EIF2B4: variants seen among roughly 807,000 people sequenced by gnomAD.
EIF2B4 encodes the protein eukaryotic translation initiation factor 2B subunit delta.
EIF2B4 carries 34 observed loss-of-function variants against 66.7 expected under a neutral mutation model. The observed-to-expected ratio is 0.51, with a 90% CI of 0.39 to 0.68. The LOEUF (loss-of-function observed/expected upper bound fraction) is 0.68, where lower values mean the gene tolerates loss of function less well. Ranked by LOEUF, EIF2B4 falls within the 30% of genes least tolerant of loss-of-function variation. The probability of loss-of-function intolerance (pLI) is 0.00; values close to 1 mark genes in which losing one functional copy is unlikely to be tolerated. For missense variants in EIF2B4, 618 were observed against 657.9 expected, an observed-to-expected ratio of 0.94 and a Z score of 0.66; for synonymous variants, 278 against 253.6, an observed-to-expected ratio of 1.10 and a Z score of -0.92.
chr2:27,370,046 C>G lies in EIF2B4; in HGVS notation c.32-127G>C, dbSNP rs913739375. The G allele has an allele frequency of 2.0e-6, 3 of 1,508,734 alleles. No homozygotes were observed. In the African/African-American group the frequency reaches 4.2e-5, roughly 21 times the overall value. The allele number at this position is 1,508,734 out of a possible 1,614,324, so 93.5% of individuals were successfully genotyped here. A position where few individuals can be genotyped will look rare whatever the true frequency, so the allele number is the denominator to read the frequency against. ...GATCCGCCGGCAGGCGCGAGGCGAG[C>G]CAGGGATCCGCGTGGGGACGCACTG... is the stretch of plus-strand genomic sequence containing the variant. On this transcript the variant is annotated intron_variant, in intron 1 of 12. Transcript: ENST00000347454.
chr2:27,367,407 C>T lies in EIF2B4; in HGVS notation c.885+50G>A, dbSNP rs770865097. 1.6e-5 allele frequency: 26 copies of T among 1,611,064 alleles called. No individual in the cohort carries two copies. In the South Asian group the frequency reaches 1.8e-4, roughly 11 times the overall value. On this transcript the variant is annotated intron_variant, in intron 9 of 12. Coordinates refer to ENST00000347454, the MANE Select transcript of EIF2B4 (RefSeq NM_001034116.2). ...CTTCCCGGGAGTTTTTAACATGTTTCTTAATTTTACCCACAGGTGCATGCC... is the reference window on the plus strand; with the variant it reads ...CTTCCCGGGAGTTTTTAACATGTTTTTTAATTTTACCCACAGGTGCATGCC...
At chr2:27,369,726 C>T (rs1486827658) in intron 2 of EIF2B4, 150 bp downstream of exon 2, 13 of 1,441,076 alleles carry the variant, frequency 9.0e-6, no homozygotes, top group Admixed American at 6.0e-5. Context: ...GGGACAGAAT[C>T]ATATATCCCT....
At position 27,366,917 on chromosome 2, in the gene EIF2B4, T is replaced by C. The variant is rs1681905846; in HGVS notation, c.1033A>G (p.Ile345Val). 6.2e-7 allele frequency: 1 copy of C among 1,614,192 alleles called. No homozygotes were observed. Among genetic ancestry groups the C allele is most frequent in the African/African-American group, 1.3e-5 (1 of 75,052 alleles). The change falls in exon 11 of 13, where the codon ATT becomes GTT. Residue 345 changes from isoleucine to valine, a missense_variant. By Grantham distance (29) the Ile-to-Val change is conservative. Coordinates refer to ENST00000347454, the MANE Select transcript of EIF2B4 (RefSeq NM_001034116.2). ...VYGCSSLVSR[I>V]LQEAWTEGRR... The stretch of plus-strand genomic sequence containing the variant: ...CCCTCTGTCCAAGCCTCCTGAAGAA[T>C]TCGTGATACCAGAGATGAGCTAGAG...
chr2:27,364,840 C>T lies in EIF2B4; in HGVS notation c.1250G>A (p.Arg417Gln). 4 of 1,614,134 alleles carry T rather than the reference C, an allele frequency of 2.5e-6. No individual in the cohort carries two copies. Among genetic ancestry groups the T allele is most frequent in the Non-Finnish European group, 3.4e-6 (4 of 1,180,038 alleles). Residue 417 changes from arginine to glutamine, a missense_variant, in exon 12 of 13, where the codon CGG becomes CAG. Coordinates refer to ENST00000347454, the MANE Select transcript of EIF2B4 (RefSeq NM_001034116.2). ...CAGGGCTAACTGTGCTGTCCCTACC[C>T]GTGACATCACAGACCCGTTGGCCAA... ...ALLANGSVMSRVGTAQLALVA... is the reference protein window; with the variant it reads ...ALLANGSVMSQVGTAQLALVA...
Position 27,368,123 on chromosome 2 carries a change from TCA to T in EIF2B4, c.605_606del (p.Val202AspfsTer43), listed in dbSNP as rs1682003796. On this transcript the variant is annotated frameshift_variant, in exon 7 of 13. Coordinates refer to ENST00000347454, the MANE Select transcript of EIF2B4 (RefSeq NM_001034116.2). LOFTEE classifies it high-confidence loss of function. ...CCGAGTCGCACCATGGCTGGGTGGA[TCA>T]CAGAGGATGGGATGCTGATGGGATG... is the stretch of plus-strand genomic sequence containing the variant. ...LTQFMSIPSS[V>X]IHPAMVRLGL... 6.3e-7 allele frequency: 1 copy of T among 1,592,818 alleles called. No homozygotes were observed. Among genetic ancestry groups the T allele is most frequent in the Admixed American group, 1.8e-5 (1 of 56,756 alleles).
chr2:27,369,517 C>T lies in EIF2B4; in HGVS notation c.108G>A (p.Lys36=), dbSNP rs201350814. ...GTTTCTTTTCCTTCCGAAGCTGCAG[C>T]TTTTCTTCTTTGGTCATTTCCCTCC... The part of the protein sequence containing the change: ...AVGREMTKEE[K]LQLRKEKKQQ... The change falls in exon 3 of 13, where the codon AAG becomes AAA. Residue 36 remains lysine (K), a synonymous_variant. Coordinates refer to ENST00000347454, the MANE Select transcript of EIF2B4 (RefSeq NM_001034116.2). 1.2e-6 allele frequency: 2 copies of T among 1,614,148 alleles called. No individual in the cohort carries two copies. The highest frequency in any genetic ancestry group is 1.7e-6 in the Non-Finnish European group (2 of 1,180,028).
Position 27,370,316 on chromosome 2 carries a change from G to A in EIF2B4, c.-2C>T, listed in dbSNP as rs1168127254. The A allele has an allele frequency of 2.6e-6, 4 of 1,542,916 alleles. No homozygotes were observed. The highest frequency in any genetic ancestry group is 2.4e-5 in the East Asian group (1 of 41,014). ...AACAGCCACGGCCACAGCAGCCATC[G>A]CCCTCAGTCCTAGGCTCCGCCCGCC... On this transcript the variant is annotated 5_prime_UTR_variant, in exon 1 of 13. Coordinates refer to ENST00000347454, the MANE Select transcript of EIF2B4 (RefSeq NM_001034116.2).
At chr2:27,366,538 G>A (rs753233940) in intron 11 of EIF2B4, 11 of 601,946 alleles carry the variant, frequency 1.8e-5, no homozygotes, top group Non-Finnish European at 3.0e-5. Context: ...AAACTAGCTG[G>A]GCATGGTGGC....
At chr2:27,365,209 A>G (rs1201452985) in intron 11 of EIF2B4, 1 of 360,598 alleles carries the variant, frequency 2.8e-6, no homozygotes, top group Non-Finnish European at 5.3e-6. Context: ...GGCATGCACC[A>G]CCACTCCCAG....
At chr2:27,369,375 C>A in intron 3 of EIF2B4, 39 bp downstream of exon 3, 1 of 1,613,512 alleles carries the variant, frequency 6.2e-7, no homozygotes. Flanking sequence ...CCTCTACCAG[C>A]TCCACACCCC....
At chr2:27,368,320 C>T (rs113309679) in intron 6 of EIF2B4, 52 bp downstream of exon 6, 6 of 1,516,804 alleles carry the variant, frequency 4.0e-6, no homozygotes, top group African/African-American at 1.4e-5. Context: ...TCAATACTGA[C>T]TTACTAAAAC....
At position 27,369,045 on chromosome 2, in the gene EIF2B4, G is replaced by C. The variant is rs374686395; in HGVS notation, c.379C>G (p.Pro127Ala). The change falls in exon 4 of 13, where the codon CCT becomes GCT. Residue 127 changes from proline to alanine, a missense_variant. By Grantham distance (27) the Pro-to-Ala change is conservative. Coordinates refer to ENST00000347454, the MANE Select transcript of EIF2B4 (RefSeq NM_001034116.2). Reference protein sequence around the residue: ...ARKGEQGGPPPKASPSTAGET... With the variant: ...ARKGEQGGPPAKASPSTAGET... ...CCAGCTGTGCTGGGGCTGGCCTTAG[G>C]AGGTGGTCCTCCTTGTTCCCCTTTT... The C allele has an allele frequency of 1.9e-6, 3 of 1,614,008 alleles. No homozygotes were observed. Among genetic ancestry groups the C allele is most frequent in the Non-Finnish European group, 2.5e-6 (3 of 1,180,026 alleles).
At chr2:27,369,240 A>C in intron 3 of EIF2B4, 28 bp from the exon 4 acceptor site, 1 of 1,607,366 alleles carries the variant, frequency 6.2e-7, no homozygotes, top group South Asian at 1.1e-5. Context: ...AAAAATGCCC[A>C]AGCTGCAGGC....
intron 11 of EIF2B4, chr2:27,365,976 G>C (rs1470419040): frequency 6.5e-6 from 1 of 152,852 alleles, no homozygotes; most frequent in African/African-American, 2.4e-5. Flanking sequence ...CTGGGCTCAA[G>C]CAGTCCTCTC....
intron 1 of EIF2B4, 175 bp from the exon 2 acceptor site, chr2:27,370,094 G>A (rs1682281402): frequency 4.6e-6 from 7 of 1,509,954 alleles, no homozygotes; most frequent in African/African-American, 1.4e-5. Context: ...AAGGAATGGA[G>A]GGGTCACCGA....
chr2:27,365,047 T>A, intron 11 of EIF2B4, 149 bp from the exon 12 acceptor site: 1 of 778,188 alleles, frequency 1.3e-6, no homozygotes, highest in Non-Finnish European at 2.0e-6. Flanking sequence ...AGACAACAAG[T>A]AATAAATCTT....
At position 27,367,126 on chromosome 2, in the gene EIF2B4, G is replaced by A. The variant is rs200954953; in HGVS notation, c.961C>T (p.Arg321Cys). The A allele has an allele frequency of 5.2e-5, 84 of 1,614,080 alleles. No homozygotes were observed. Among genetic ancestry groups the A allele is most frequent in the Admixed American group, 3.3e-5 (2 of 59,998 alleles). Reference protein sequence around the residue: ...KIVLAAQAISRFAYQKISNGD... With the variant: ...KIVLAAQAISCFAYQKISNGD... ...TTACTGATCTTCTGGTAAGCAAAGC[G>A]TGAAATTGCCTGAGCTGCTAGCACA... Residue 321 changes from arginine (R) to cysteine (C), a missense_variant, in exon 10 of 13, where the codon CGC becomes TGC. This residue lies in a region of EIF2B4 where 506 missense variants were observed against 511.9 expected (regional missense o/e 0.99). Coordinates refer to ENST00000347454, the MANE Select transcript of EIF2B4 (RefSeq NM_001034116.2).
chr2:27,367,674 T>G, intron 8 of EIF2B4, 72 bp downstream of exon 8: 1 of 1,578,286 alleles, frequency 6.3e-7, no homozygotes, highest in South Asian at 1.1e-5. Context: ...AAAAGAGAGA[T>G]AGAAAAGCAG....
chr2:27,366,118 G>C (rs1169944098), intron 11 of EIF2B4: 1 of 125,086 alleles, frequency 8.0e-6, no homozygotes, highest in South Asian at 2.6e-4. Flanking sequence ...GTGTGTGTGC[G>C]TGCGCGCGCG....
Sources: gnomAD v4.1 joint callset for allele counts on GRCh38, gnomAD v4.1.1 for gene constraint, gnomAD v4.1.1 regional missense constraint, MANE v1.5 for transcripts, NCBI Gene and HGNC (gene_info 2026-07-23, HGNC 2026-07-21) for gene names.